DOCK7: variants seen among roughly 807,000 people sequenced by gnomAD.
The protein encoded by DOCK7 is dedicator of cytokinesis protein 7.
Under a neutral mutation model 271.0 loss-of-function variants are expected in DOCK7, and 138 were observed. The ratio of observed to expected loss-of-function variants is 0.51; its 90% CI spans 0.44 to 0.59. DOCK7 has a LOEUF of 0.59. Ranked by LOEUF, DOCK7 falls within the 20% of genes least tolerant of loss-of-function variation. The pLI is 0.00. For missense variants in DOCK7, 2,066 were observed against 2,592.4 expected (o/e 0.80, Z 4.41); for synonymous variants, 823 against 876.1 (o/e 0.94, Z 1.07).
intron 17 of DOCK7, among the ~76,000 whole-genome samples, chr1:62,577,845 T>A (rs1195458723): frequency 6.6e-6 from 1 of 152,210 alleles, no homozygotes; most frequent in Non-Finnish European, 1.5e-5. Flanking sequence ...GCTGAAAGCA[T>A]AATTTTTCTG....
chr1:62,567,906 C>T (rs1646575259), intron 18 of DOCK7, among the ~76,000 whole-genome samples: 4 of 151,952 alleles, frequency 2.6e-5, no homozygotes, highest in Admixed American at 1.3e-4. Flanking sequence ...ACAAGTGGAC[C>T]TGATAGATAT....
At chr1:62,536,459 AT>A (rs1295768629) in intron 28 of DOCK7, among the ~76,000 whole-genome samples, 30 of 152,310 alleles carry the variant, frequency 2.0e-4, no homozygotes, top group Non-Finnish European at 3.7e-4. Context: ...TTTATGATTA[AT>A]CTGTCTTTGT....
At chr1:62,552,124 G>A (rs529016131) in intron 22 of DOCK7, among the ~76,000 whole-genome samples, 50 of 151,522 alleles carry the variant, frequency 3.3e-4, no homozygotes, top group African/African-American at 1.1e-3. Context: ...ATAATGCTAC[G>A]TACTACCTGT....
intron 1 of DOCK7, among the ~76,000 whole-genome samples, chr1:62,669,923 G>A (rs1269779454): frequency 6.6e-6 from 1 of 152,264 alleles, no homozygotes; most frequent in East Asian, 1.9e-4. Context: ...GCTGTGTGCG[G>A]CACTTGCGGG....
At chr1:62,542,586 A>T in intron 25 of DOCK7, 22 bp downstream of exon 25, 1 of 1,594,636 alleles carries the variant, frequency 6.3e-7, no homozygotes, top group Non-Finnish European at 8.5e-7. Context: ...AATATTAAAG[A>T]ACATGCTCAG....
intron 1 of DOCK7, among the ~76,000 whole-genome samples, chr1:62,681,359 G>A (rs1211858029): frequency 1.4e-5 from 2 of 140,292 alleles, no homozygotes; most frequent in Non-Finnish European, 3.1e-5. Flanking sequence ...CACTGGAAGG[G>A]GAACATCACA....
At chr1:62,639,093 T>C (rs1046928858) in intron 7 of DOCK7, among the ~76,000 whole-genome samples, 1 of 152,178 alleles carries the variant, frequency 6.6e-6, no homozygotes, top group African/African-American at 2.4e-5. Flanking sequence ...TGTCTAATCA[T>C]GTACCAATAC....
At chr1:62,548,610 G>A (rs552346306) in intron 22 of DOCK7, among the ~76,000 whole-genome samples, 3 of 152,064 alleles carry the variant, frequency 2.0e-5, no homozygotes, top group Non-Finnish European at 2.9e-5. Context: ...TAGTAGAGAC[G>A]GGGTTTCTCC....
At chr1:62,641,696 A>C (rs1656046493) in intron 7 of DOCK7, 3 of 390,664 alleles carry the variant, frequency 7.7e-6, no homozygotes, top group Non-Finnish European at 1.6e-5. Context: ...CCTCAGCCTC[A>C]TGCACCAGGG....
chr1:62,656,815 G>A (rs900569944), intron 2 of DOCK7, among the ~76,000 whole-genome samples: 7 of 151,972 alleles, frequency 4.6e-5, no homozygotes, highest in Non-Finnish European at 1.0e-4. Context: ...GGGGTGGGGA[G>A]CCTATTTTCC....
intron 1 of DOCK7, among the ~76,000 whole-genome samples, chr1:62,669,365 T>C (rs1383762333): frequency 6.6e-6 from 1 of 152,168 alleles, no homozygotes; most frequent in Admixed American, 6.5e-5. Context: ...TATAAAAGTA[T>C]GGTGGGGGGA....
At chr1:62,544,606 T>C (rs1163686029) in intron 23 of DOCK7, among the ~76,000 whole-genome samples, 1 of 152,162 alleles carries the variant, frequency 6.6e-6, no homozygotes, top group East Asian at 1.9e-4. Context: ...TTGGGTTTTT[T>C]CCTCCACGTA....
At chr1:62,674,814 C>T (rs1660369425) in intron 1 of DOCK7, among the ~76,000 whole-genome samples, 1 of 152,058 alleles carries the variant, frequency 6.6e-6, no homozygotes, top group Admixed American at 6.6e-5. Context: ...CAAAATGGAA[C>T]ATAAACCTTA....
intron 29 of DOCK7, among the ~76,000 whole-genome samples, chr1:62,534,883 G>C (rs897036052): frequency 2.0e-5 from 3 of 151,954 alleles, no homozygotes; most frequent in Non-Finnish European, 4.4e-5. Context: ...TTGAGGTCAG[G>C]AGTTTGAGAC....
At chr1:62,634,629 G>T in intron 9 of DOCK7, 144 bp downstream of exon 9, 1 of 800,770 alleles carries the variant, frequency 1.2e-6, no homozygotes, top group Non-Finnish European at 2.0e-6. Context: ...AGCACCTACT[G>T]TGTATGTCCA....
chr1:62,594,175 G>A (rs189459566), intron 14 of DOCK7, among the ~76,000 whole-genome samples: 2 of 152,114 alleles, frequency 1.3e-5, no homozygotes, highest in Non-Finnish European at 2.9e-5. Context: ...TATTTAAATA[G>A]GCACAAGTTC....
At chr1:62,488,800 A>G in intron 42 of DOCK7, 134 bp downstream of exon 42, 2 of 1,167,966 alleles carry the variant, frequency 1.7e-6, no homozygotes, top group Non-Finnish European at 2.5e-6. Context: ...ATGAACTATC[A>G]TTTTGACCGC....
At chr1:62,588,528 C>T (rs1647908346) in intron 14 of DOCK7, among the ~76,000 whole-genome samples, 1 of 151,972 alleles carries the variant, frequency 6.6e-6, no homozygotes. Context: ...CTGATTGCAC[C>T]CCTGTAGTGT....
chr1:62,536,142 ATAT>A (rs753662065), intron 28 of DOCK7, among the ~76,000 whole-genome samples: 2 of 152,092 alleles, frequency 1.3e-5, no homozygotes, highest in Non-Finnish European at 2.9e-5. Flanking sequence ...ATACTTCAAA[ATAT>A]TATAGCATTC....
Sources: gnomAD v4.1 joint callset for allele counts (sites outside exome capture counted in the v4.1 genomes callset) on GRCh38, gnomAD v4.1.1 for gene constraint, MANE v1.5 for transcripts, NCBI Gene and HGNC (gene_info 2026-07-23, HGNC 2026-07-21) for gene names.